RPA1: variants seen among roughly 807,000 people sequenced by gnomAD.
RPA1 encodes the protein replication protein A1, also known as replication protein A 70 kDa DNA-binding subunit.
Under a neutral mutation model 83.0 loss-of-function variants are expected in RPA1, and 49 were observed. The ratio of observed to expected loss-of-function variants is 0.59; its 90% CI spans 0.47 to 0.75. RPA1 has a LOEUF of 0.75. Among genes scored for constraint, RPA1 ranks in the 30% least tolerant of loss-of-function variants. RPA1 has a pLI of 0.00. For missense variants in RPA1, 693 were observed against 776.1 expected, an observed-to-expected ratio of 0.89 and a Z score of 1.27; for synonymous variants, 279 against 281.8, an observed-to-expected ratio of 0.99 and a Z score of 0.10.
intron 5 of RPA1, among the ~76,000 whole-genome samples, chr17:1,861,671 T>C (rs1912976101): frequency 6.6e-6 from 1 of 152,182 alleles, no homozygotes; most frequent in African/African-American, 2.4e-5. Flanking sequence ...TTTTTTCAGT[T>C]GAAACATTTG....
At chr17:1,855,930 CA>C (rs1597433192) in intron 5 of RPA1, among the ~76,000 whole-genome samples, 1 of 152,020 alleles carries the variant, frequency 6.6e-6, no homozygotes, top group East Asian at 1.9e-4. Flanking sequence ...TTATGTGCTT[CA>C]AGGAATTTAA....
rs551276376 is a variant in RPA1, at chr17:1,884,052, G to T, written c.1374+108G>T. The stretch of plus-strand genomic sequence containing the variant: ...GCTGTCAGAGCCGTAATTCTTACCC[G>T]GGGCTGTGACCTGAGCGTGGCATGG... On this transcript the variant is annotated intron_variant, in intron 13 of 16. Coordinates refer to ENST00000254719, the MANE Select transcript of RPA1 (RefSeq NM_002945.5). The surrounding 1 kb of genome is among the most constrained non-coding windows in gnomAD (Gnocchi z 4.1). The T allele has an allele frequency of 1.3e-6, 2 of 1,488,930 alleles. No individual in the cohort carries two copies. The highest frequency in any genetic ancestry group is 2.8e-5 in the African/African-American group (2 of 72,492). The allele number at this position is 1,488,930 out of a possible 1,614,324, so 92.2% of individuals were successfully genotyped here. A position where few individuals can be genotyped will look rare whatever the true frequency, so the allele number is the denominator to read the frequency against.
In RPA1 at chr17:1,839,216, A is replaced by G. The variant is rs977569550; in HGVS notation, c.34-3587A>G. 1.6e-4 allele frequency among the ~76,000 whole-genome samples: 24 copies of G among 152,286 alleles called. 1 individual carries two copies. Among genetic ancestry groups the G allele is most frequent in the South Asian group, 1.2e-3 (6 of 4,822 alleles). Reference sequence around the variant, plus strand: ...ATGTGTATCTGTTTCTGGAATGTCAATTGATTTCTATGTTGGTGCTTATGT... The same window carrying G: ...ATGTGTATCTGTTTCTGGAATGTCAGTTGATTTCTATGTTGGTGCTTATGT... On this transcript the variant is annotated intron_variant, in intron 1 of 16. Transcript: ENST00000254719.
At chr17:1,851,275 G>A (rs1912485692) in intron 4 of RPA1, among the ~76,000 whole-genome samples, 1 of 53,078 alleles carries the variant, frequency 1.9e-5, no homozygotes, top group Non-Finnish European at 3.9e-5. Context: ...GTGCGTGTGC[G>A]TGTGTGTGTG....
At chr17:1,880,790 C>T (rs1227218670) in intron 12 of RPA1, 99 bp downstream of exon 12, 5 of 1,498,734 alleles carry the variant, frequency 3.3e-6, no homozygotes, top group Admixed American at 3.6e-5. Context: ...CAGAAGCCTT[C>T]GTCCCTGAGT....
intron 13 of RPA1, among the ~76,000 whole-genome samples, chr17:1,887,579 A>G (rs932967883): frequency 6.6e-6 from 1 of 151,164 alleles, no homozygotes; most frequent in Non-Finnish European, 1.5e-5. Flanking sequence ...AAAAATCACC[A>G]TAACAGATAT....
In RPA1 at chr17:1,895,115, G is replaced by T; in HGVS notation, c.1746+20G>T. On this transcript the variant is annotated intron_variant, in intron 16 of 16. Coordinates refer to ENST00000254719, the MANE Select transcript of RPA1 (RefSeq NM_002945.5). ...TACAACGTAAGTAAGGGCCTGGGCA[G>T]CAGGGTTGGTGGTGGGGAGGTGCTG... is the stretch of plus-strand genomic sequence containing the variant. 1 of 1,600,280 alleles carries T rather than the reference G, an allele frequency of 6.2e-7. No homozygotes were observed. The highest frequency in any genetic ancestry group is 1.1e-5 in the South Asian group (1 of 90,384).
In RPA1 at chr17:1,877,192, A is replaced by G; in HGVS notation, c.588-20A>G. 6.2e-7 allele frequency: 1 copy of G among 1,609,606 alleles called. No homozygotes were observed. Among genetic ancestry groups the G allele is most frequent in the African/African-American group, 1.3e-5 (1 of 74,994 alleles). The stretch of plus-strand genomic sequence containing the variant: ...TCCAAGGAAGACCCCATACACTAAT[A>G]TGATCGATTTGGTTTGTAGGTGGAC... On this transcript the variant is annotated intron_variant, in intron 7 of 16. Coordinates refer to ENST00000254719, the MANE Select transcript of RPA1 (RefSeq NM_002945.5).
chr17:1,840,233 G>A (rs759839382), intron 1 of RPA1, among the ~76,000 whole-genome samples: 24 of 152,022 alleles, frequency 1.6e-4, no homozygotes, highest in Non-Finnish European at 2.8e-4. Context: ...TCCTGGGCTC[G>A]AGTGATTCTT....
chr17:1,873,886 G>A (rs957491011), intron 6 of RPA1, among the ~76,000 whole-genome samples: 3 of 149,680 alleles, frequency 2.0e-5, no homozygotes, highest in Non-Finnish European at 3.0e-5. Context: ...CCAGCTACTC[G>A]AGAGGCTGAG....
chr17:1,884,070 T>C lies in RPA1; in HGVS notation c.1374+126T>C. On this transcript the variant is annotated intron_variant, in intron 13 of 16. Coordinates refer to ENST00000254719, the MANE Select transcript of RPA1 (RefSeq NM_002945.5). The surrounding 1 kb of genome is among the most constrained non-coding windows in gnomAD (Gnocchi z 4.1). ...CTTACCCGGGGCTGTGACCTGAGCG[T>C]GGCATGGGGGTTGAGAATCACTGGC... The C allele has an allele frequency of 7.6e-7, 1 of 1,310,064 alleles. No individual in the cohort carries two copies. Among genetic ancestry groups the C allele is most frequent in the South Asian group, 1.4e-5 (1 of 72,592 alleles). The allele number at this position is 1,310,064 out of a possible 1,614,324, so 81.2% of individuals were successfully genotyped here. A position where few individuals can be genotyped will look rare whatever the true frequency, so the allele number is the denominator to read the frequency against.
chr17:1,877,381 C>T (rs996852025), intron 8 of RPA1, 67 bp downstream of exon 8: 12 of 1,407,942 alleles, frequency 8.5e-6, no homozygotes, highest in Middle Eastern at 3.9e-4. Context: ...CTCAGCTCTG[C>T]GGAGGGCAGT....
At position 1,846,512 on chromosome 17, in the gene RPA1, G is replaced by A. The variant is rs557320349; in HGVS notation, c.272+1826G>A. The stretch of plus-strand genomic sequence containing the variant: ...TTGTTTTGTATTTTTAGTAGAGACG[G>A]GGTTTCACCATGTTAGCCAGGATGG... On this transcript the variant is annotated intron_variant, in intron 4 of 16. Coordinates refer to ENST00000254719, the MANE Select transcript of RPA1 (RefSeq NM_002945.5). 2.7e-3 allele frequency among the ~76,000 whole-genome samples: 410 copies of A among 151,878 alleles called. 1 individual carries two copies. Among genetic ancestry groups the A allele is most frequent in the Middle Eastern group, 6.8e-3 (2 of 292 alleles).
intron 5 of RPA1, among the ~76,000 whole-genome samples, chr17:1,858,969 C>G (rs1045075031): frequency 6.7e-6 from 1 of 149,774 alleles, no homozygotes; most frequent in African/African-American, 2.5e-5. Context: ...GTGGCATGAT[C>G]TTGGCTCACT....
At position 1,877,239 on chromosome 17, in the gene RPA1, C is replaced by G; in HGVS notation, c.615C>G (p.Asn205Lys). The G allele has an allele frequency of 1.2e-6, 2 of 1,614,178 alleles. No individual in the cohort carries two copies. The highest frequency in any genetic ancestry group is 1.7e-6 in the Non-Finnish European group (2 of 1,180,036). ...SKWTICARVTNKSQIRTWSNS... is the reference protein window; with the variant it reads ...SKWTICARVTKKSQIRTWSNS... Reference sequence around the variant, plus strand: ...GGACCATTTGTGCTCGTGTTACCAACAAAAGTCAGATCCGTACCTGGAGCA... The same window carrying G: ...GGACCATTTGTGCTCGTGTTACCAAGAAAAGTCAGATCCGTACCTGGAGCA... The change falls in exon 8 of 17, where the codon AAC becomes AAG. Residue 205 changes from asparagine to lysine, a missense_variant. Physicochemically the swap from Asn to Lys is moderately conservative, Grantham distance 94. Transcript: ENST00000254719.
intron 5 of RPA1, chr17:1,858,056 C>T (rs1289335902): frequency 6.8e-6 from 11 of 1,612,552 alleles, no homozygotes; most frequent in Non-Finnish European, 9.3e-6. Context: ...GCTGCCAGCC[C>T]CATAGAGGAC....
chr17:1,871,937 G>A (rs148409105), intron 5 of RPA1, among the ~76,000 whole-genome samples: 14 of 152,292 alleles, frequency 9.2e-5, no homozygotes, highest in African/African-American at 3.4e-4. Flanking sequence ...GAGGGAGAGG[G>A]TGGAATCCTT....
Position 1,850,746 on chromosome 17 carries a change from A to G in RPA1, c.273-2355A>G, listed in dbSNP as rs541621043. 4.0e-5 allele frequency among the ~76,000 whole-genome samples: 6 copies of G among 151,548 alleles called. No homozygotes were observed. In the East Asian group the frequency reaches 1.2e-3, roughly 30 times the overall value. On this transcript the variant is annotated intron_variant, in intron 4 of 16. Coordinates refer to ENST00000254719, the MANE Select transcript of RPA1 (RefSeq NM_002945.5). Reference sequence around the variant, plus strand: ...CCCTGTCTCTACTAAAAATACAAAAATTAGGTGTGGTGGCGGGTGCCTGTA... The same window carrying G: ...CCCTGTCTCTACTAAAAATACAAAAGTTAGGTGTGGTGGCGGGTGCCTGTA...
intron 6 of RPA1, among the ~76,000 whole-genome samples, chr17:1,874,568 T>C (rs1295825945): frequency 6.6e-6 from 1 of 152,248 alleles, no homozygotes; most frequent in Non-Finnish European, 1.5e-5. Flanking sequence ...GAACTGGATG[T>C]GTACTGAGGA....
Sources: gnomAD v4.1 joint callset for allele counts (sites outside exome capture counted in the v4.1 genomes callset) on GRCh38, gnomAD v4.1.1 for gene constraint, Gnocchi (gnomAD v3.1) non-coding constraint, MANE v1.5 for transcripts, NCBI Gene and HGNC (gene_info 2026-07-23, HGNC 2026-07-21) for gene names.